DPYD: variants seen among roughly 807,000 people sequenced by gnomAD.
DPYD encodes the protein dihydropyrimidine dehydrogenase, also known as dihydropyrimidine dehydrogenase [NADP(+)].
DPYD carries 109 observed loss-of-function variants against 116.2 expected under a neutral mutation model. That is an observed-to-expected ratio of 0.94 (90% CI 0.80 to 1.10). The LOEUF is 1.10. DPYD is among the 50% of genes least tolerant of loss of function. The pLI, the probability that DPYD is intolerant of heterozygous loss-of-function variation, is 0.00. For synonymous variants in DPYD, 440 were observed against 432.0 expected (o/e 1.02, Z -0.23); for missense variants, 1,302 against 1,254.5 (o/e 1.04, Z -0.57).
intron 20 of DPYD, among the ~76,000 whole-genome samples, chr1:97,140,876 T>A (rs1422560843): frequency 6.6e-6 from 1 of 152,158 alleles, no homozygotes; most frequent in Admixed American, 6.6e-5. Context: ...AGAATAAAGA[T>A]GTTTCTGGCT....
chr1:97,547,046 T>C, intron 12 of DPYD: 3 of 1,184,706 alleles, frequency 2.5e-6, no homozygotes, highest in Non-Finnish European at 3.8e-6. Flanking sequence ...CCAGAAACAG[T>C]ACAGAACTGA....
At chr1:97,440,040 C>G (rs975198267) in intron 14 of DPYD, among the ~76,000 whole-genome samples, 26 of 152,014 alleles carry the variant, frequency 1.7e-4, no homozygotes, top group African/African-American at 6.0e-4. Flanking sequence ...CTTTGGGAGG[C>G]CGAGGCGGGG....
chr1:97,105,110 C>T (rs975314309), intron 20 of DPYD, among the ~76,000 whole-genome samples: 5 of 152,186 alleles, frequency 3.3e-5, no homozygotes, highest in African/African-American at 1.2e-4. Context: ...TCAGGTCTCT[C>T]TTTAAAAACT....
intron 14 of DPYD, among the ~76,000 whole-genome samples, chr1:97,406,836 T>C (rs1053487577): frequency 2.0e-5 from 3 of 152,154 alleles, no homozygotes; most frequent in East Asian, 1.9e-4. Flanking sequence ...TGAGCTCTCA[T>C]TGAGGCTGTA....
At chr1:97,306,337 G>C (rs201738352) in intron 16 of DPYD, 40 bp from the exon 17 acceptor site, 19 of 1,610,890 alleles carry the variant, frequency 1.2e-5, no homozygotes, top group Non-Finnish European at 1.7e-6. Context: ...CAAAATTAAA[G>C]AATTGTGATC....
intron 20 of DPYD, among the ~76,000 whole-genome samples, chr1:97,127,626 T>C (rs1452454972): frequency 6.6e-6 from 1 of 152,184 alleles, no homozygotes; most frequent in Non-Finnish European, 1.5e-5. Flanking sequence ...TTAAGCTCTA[T>C]TACTTACATC....
At chr1:97,124,098 T>A (rs1652655187) in intron 20 of DPYD, among the ~76,000 whole-genome samples, 1 of 152,136 alleles carries the variant, frequency 6.6e-6, no homozygotes, top group African/African-American at 2.4e-5. Context: ...TGCGTGAAAG[T>A]CACTGATTAA....
intron 14 of DPYD, among the ~76,000 whole-genome samples, chr1:97,429,164 C>G (rs1675035354): frequency 6.6e-6 from 1 of 151,914 alleles, no homozygotes; most frequent in Admixed American, 6.6e-5. Context: ...AAACTATTAA[C>G]CAGGGTAACC....
intron 18 of DPYD, among the ~76,000 whole-genome samples, chr1:97,265,685 GT>G (rs1242524247): frequency 1.3e-5 from 2 of 152,116 alleles, no homozygotes; most frequent in Non-Finnish European, 2.9e-5. Flanking sequence ...GTAGTGTATA[GT>G]TTTTATATCA....
At position 97,700,258 on chromosome 1, in the gene DPYD, A is replaced by G. The variant is rs140233266; in HGVS notation, c.484-711T>C. 9.8e-4 allele frequency: 449 copies of G among 455,954 alleles called. 5 individuals are homozygous for G. Among genetic ancestry groups the G allele is most frequent in the African/African-American group, 8.3e-3 (417 of 50,140 alleles). 28.2% of individuals were successfully genotyped at this position (455,954 alleles called of 1,614,324 possible). Reference sequence around the variant, plus strand: ...GAAAAGAGATGTTGGCAGTCTTTTGAAACCAGAGAGACACAGAGTTTTGGA... The same window carrying G: ...GAAAAGAGATGTTGGCAGTCTTTTGGAACCAGAGAGACACAGAGTTTTGGA... On this transcript the variant is annotated intron_variant, in intron 5 of 22. Coordinates refer to ENST00000370192, the MANE Select transcript of DPYD (RefSeq NM_000110.4).
intron 5 of DPYD, chr1:97,720,171 C>G (rs1045822978): frequency 7.1e-6 from 7 of 982,754 alleles, no homozygotes; most frequent in Non-Finnish European, 8.5e-6. Context: ...CTCTCACACA[C>G]ACACACACAC....
intron 20 of DPYD, among the ~76,000 whole-genome samples, chr1:97,177,652 A>G (rs537337369): frequency 6.6e-6 from 1 of 151,526 alleles, no homozygotes; most frequent in Admixed American, 6.6e-5. Context: ...AAGTATGTAT[A>G]TTGTCCAAGG....
rs1244205514 is a variant in DPYD at position 97,510,116 on chromosome 1, C to CA, written c.1740+5609dup. ...TACAAAACAAACAAACAAACAACAA[C>CA]AAAAAAAAAAAAACTCAGAGGAGAA... On this transcript the variant is annotated intron_variant, in intron 13 of 22. Transcript: ENST00000370192. Among the ~76,000 whole-genome samples the CA allele has an allele frequency of 1.6e-3, 229 of 145,696 alleles. 1 individual carries two copies. The highest frequency in any genetic ancestry group is 6.9e-3 in the Middle Eastern group (2 of 288).
chr1:97,323,499 C>CACGTATATATACAT (rs1205566325), intron 16 of DPYD, among the ~76,000 whole-genome samples: 1 of 44,706 alleles, frequency 2.2e-5, no homozygotes, highest in Non-Finnish European at 6.7e-5. Context: ...ATATACATAT[C>CACGTATATATACAT]ATATGTACAT....
At chr1:97,526,575 C>G (rs1441481469) in intron 12 of DPYD, among the ~76,000 whole-genome samples, 1 of 152,122 alleles carries the variant, frequency 6.6e-6, no homozygotes, top group African/African-American at 2.4e-5. Flanking sequence ...GTCACTTCTC[C>G]AGTAACATGA....
intron 3 of DPYD, among the ~76,000 whole-genome samples, chr1:97,765,573 C>T (rs1011185021): frequency 6.6e-6 from 1 of 152,170 alleles, no homozygotes; most frequent in Non-Finnish European, 1.5e-5. Flanking sequence ...AGTTTGACAG[C>T]CTTACTCCTT....
chr1:97,325,351 A>C (rs1044595197), intron 16 of DPYD, among the ~76,000 whole-genome samples: 1 of 152,030 alleles, frequency 6.6e-6, no homozygotes, highest in African/African-American at 2.4e-5. Flanking sequence ...AATTGCTACT[A>C]TTCCTAGAAC....
chr1:97,575,626 A>G (rs1325547502), intron 10 of DPYD, among the ~76,000 whole-genome samples: 1 of 152,210 alleles, frequency 6.6e-6, no homozygotes, highest in Admixed American at 6.5e-5. Flanking sequence ...TTAGCAATAT[A>G]AAACAAAACA....
intron 13 of DPYD, among the ~76,000 whole-genome samples, chr1:97,488,360 G>T (rs931718680): frequency 6.6e-6 from 1 of 152,090 alleles, no homozygotes; most frequent in African/African-American, 2.4e-5. Flanking sequence ...TCTTTATCTT[G>T]GCTGTGGTGG....
Sources: allele counts gnomAD v4.1 joint callset (sites outside exome capture counted in the v4.1 genomes callset), GRCh38; gene constraint gnomAD v4.1.1; transcripts MANE v1.5; gene names NCBI Gene and HGNC (gene_info 2026-07-23, HGNC 2026-07-21).